SESTD1: variants seen among roughly 807,000 people sequenced by gnomAD.
SESTD1 encodes the protein SEC14 domain and spectrin repeat-containing protein 1.
SESTD1 carries 43 observed loss-of-function variants against 101.7 expected under a neutral mutation model. That is an observed-to-expected ratio of 0.42 (90% CI 0.33 to 0.55). The LOEUF (loss-of-function observed/expected upper bound fraction) is 0.55. Ranked by LOEUF, SESTD1 falls within the 20% of genes least tolerant of loss-of-function variation. The pLI, the probability that SESTD1 is intolerant of heterozygous loss-of-function variation, is 0.07. For missense variants in SESTD1, 647 were observed against 815.1 expected (o/e 0.79, Z 2.51); for synonymous variants, 283 against 286.8 (o/e 0.99, Z 0.13).
chr2:179,259,867 C>T (rs1003872559), intron 1 of SESTD1, among the ~76,000 whole-genome samples: 5 of 152,166 alleles, frequency 3.3e-5, no homozygotes, highest in African/African-American at 1.2e-4. Context: ...TAACAAGTGA[C>T]AACACAAGAT....
chr2:179,144,067 C>T lies in SESTD1; in HGVS notation c.638-264G>A, dbSNP rs112493828. ...TGCTATATCATATATCATAAATATA[C>T]GCACCTTAGAAATACTATACTACAT... is the stretch of plus-strand genomic sequence containing the variant. On this transcript the variant is annotated intron_variant, in intron 8 of 17. Transcript: ENST00000428443. Among the ~76,000 whole-genome samples, 19 of 151,722 alleles carry T rather than the reference C, an allele frequency of 1.3e-4. 1 individual carries two copies. Among genetic ancestry groups the T allele is most frequent in the African/African-American group, 3.4e-4 (14 of 41,394 alleles).
In SESTD1 at chr2:179,107,078, G is replaced by C. The variant is rs2044400669; in HGVS notation, c.*2821C>G. The C allele has an allele frequency of 6.6e-6, 1 of 152,156 alleles. No individual in the cohort carries two copies. The highest frequency in any genetic ancestry group is 1.5e-5 in the Non-Finnish European group (1 of 68,012). 9.4% of individuals were successfully genotyped at this position (152,156 alleles called of 1,614,324 possible). A position where few individuals can be genotyped will look rare whatever the true frequency, so the allele number is the denominator to read the frequency against. On this transcript the variant is annotated 3_prime_UTR_variant, in exon 18 of 18. Coordinates refer to ENST00000428443, the MANE Select transcript of SESTD1 (RefSeq NM_178123.5). ...TGTGACATATATACCAATTACAAAT[G>C]AGTGGTTCTTTCAGAGACTTGCAAG...
At chr2:179,161,577 G>A (rs1287391501) in intron 5 of SESTD1, among the ~76,000 whole-genome samples, 2 of 151,296 alleles carry the variant, frequency 1.3e-5, no homozygotes. Context: ...AAGGAGAATC[G>A]CTTGAACCCG....
intron 7 of SESTD1, among the ~76,000 whole-genome samples, chr2:179,147,529 T>C (rs2045423133): frequency 6.6e-6 from 1 of 152,014 alleles, no homozygotes; most frequent in Non-Finnish European, 1.5e-5. Flanking sequence ...GCCTGGCTAA[T>C]GTTTGTATTT....
At chr2:179,159,679 T>C (rs908127447) in intron 5 of SESTD1, among the ~76,000 whole-genome samples, 7 of 152,228 alleles carry the variant, frequency 4.6e-5, no homozygotes, top group Non-Finnish European at 1.0e-4. Flanking sequence ...TACAAAATAC[T>C]GGTAGGGCTT....
At chr2:179,255,208 G>C (rs957507020) in intron 1 of SESTD1, among the ~76,000 whole-genome samples, 1 of 152,156 alleles carries the variant, frequency 6.6e-6, no homozygotes, top group Non-Finnish European at 1.5e-5. Context: ...ATATTAAAGT[G>C]AAAGGAGGAG....
chr2:179,157,519 G>T (rs1035587797), intron 5 of SESTD1, among the ~76,000 whole-genome samples: 1 of 152,178 alleles, frequency 6.6e-6, no homozygotes, highest in East Asian at 1.9e-4. Context: ...TTCATATTTA[G>T]AATCATAGGA....
intron 1 of SESTD1, among the ~76,000 whole-genome samples, chr2:179,193,518 G>A (rs1433747306): frequency 6.6e-6 from 1 of 152,146 alleles, no homozygotes; most frequent in Non-Finnish European, 1.5e-5. Flanking sequence ...CCTGTCCTGT[G>A]ACCAGCTTGT....
intron 5 of SESTD1, among the ~76,000 whole-genome samples, chr2:179,168,485 C>A (rs562162273): frequency 7.9e-5 from 12 of 151,882 alleles, no homozygotes; most frequent in African/African-American, 2.9e-4. Context: ...CTAACCCCTG[C>A]ATTGTTCACA....
intron 1 of SESTD1, among the ~76,000 whole-genome samples, chr2:179,241,532 C>T (rs1219365087): frequency 2.6e-5 from 4 of 152,076 alleles, no homozygotes; most frequent in African/African-American, 9.7e-5. Flanking sequence ...TCAAAAGCCA[C>T]CAAATGAAGT....
At chr2:179,153,980 A>C (rs1026827159) in intron 5 of SESTD1, among the ~76,000 whole-genome samples, 11 of 151,526 alleles carry the variant, frequency 7.3e-5, no homozygotes, top group African/African-American at 2.7e-4. Context: ...ACGGTGGCTC[A>C]TGCCTATAAT....
intron 1 of SESTD1, among the ~76,000 whole-genome samples, chr2:179,255,554 G>C (rs1276448200): frequency 6.6e-6 from 1 of 152,234 alleles, no homozygotes; most frequent in Non-Finnish European, 1.5e-5. Flanking sequence ...GGAAGCTCCA[G>C]AAGGCAAGTT....
intron 13 of SESTD1, among the ~76,000 whole-genome samples, chr2:179,121,060 A>C (rs963806573): frequency 9.2e-5 from 14 of 152,146 alleles, no homozygotes; most frequent in African/African-American, 3.4e-4. Context: ...GACAGAATAA[A>C]AGTAAGTTTG....
At chr2:179,218,692 T>G (rs1361232904) in intron 1 of SESTD1, among the ~76,000 whole-genome samples, 1 of 152,206 alleles carries the variant, frequency 6.6e-6, no homozygotes, top group Non-Finnish European at 1.5e-5. Flanking sequence ...GATATTTGTA[T>G]CCATTTCCTA....
chr2:179,113,721 T>C (rs769142645), intron 16 of SESTD1, among the ~76,000 whole-genome samples: 4 of 152,140 alleles, frequency 2.6e-5, no homozygotes, highest in Admixed American at 6.5e-5. Flanking sequence ...TGGTATAAAA[T>C]AGAATACAGT....
chr2:179,146,904 GGTGTGTGTGTGT>G (rs71023470), intron 7 of SESTD1, among the ~76,000 whole-genome samples: 34 of 145,522 alleles, frequency 2.3e-4, no homozygotes, highest in East Asian at 4.1e-4. Flanking sequence ...ATATTCCAGG[GGTGTGTGTGTGT>G]GTGTGTGTGT....
At chr2:179,143,897 C>A in intron 8 of SESTD1, 94 bp from the exon 9 acceptor site, 1 of 1,267,054 alleles carries the variant, frequency 7.9e-7, no homozygotes, top group Non-Finnish European at 1.1e-6. Flanking sequence ...GTTTTTAAAA[C>A]CTATCTACCT....
At position 179,200,663 on chromosome 2, in the gene SESTD1, A is replaced by C. The variant is rs141615187; in HGVS notation, c.-25-8797T>G. Reference sequence around the variant, plus strand: ...CTTTGACAAACCTGAGAAAAACAAGAAATGGGGAAATGATTCACTATTTAA... The same window carrying C: ...CTTTGACAAACCTGAGAAAAACAAGCAATGGGGAAATGATTCACTATTTAA... On this transcript the variant is annotated intron_variant, in intron 1 of 17. Transcript: ENST00000428443. 5.8e-3 allele frequency among the ~76,000 whole-genome samples: 865 copies of C among 149,722 alleles called. 13 individuals carry two copies. The highest frequency in any genetic ancestry group is 0.02 in the African/African-American group (812 of 40,310).
At chr2:179,123,517 GACTA>G (rs1417153964) in intron 12 of SESTD1, among the ~76,000 whole-genome samples, 194 bp downstream of exon 12, 6 of 152,098 alleles carry the variant, frequency 3.9e-5, no homozygotes, top group South Asian at 2.1e-4. Flanking sequence ...AGGGAGGAGT[GACTA>G]ACTAACGATG....
Sources: gnomAD v4.1 joint callset for allele counts (sites outside exome capture counted in the v4.1 genomes callset) on GRCh38, gnomAD v4.1.1 for gene constraint, MANE v1.5 for transcripts, NCBI Gene and HGNC (gene_info 2026-07-23, HGNC 2026-07-21) for gene names.